The following OVCH1 variants were observed in gnomAD, a reference collection of about 807,000 sequenced individuals.
OVCH1 encodes ovochymase-1.
A neutral mutation model predicts 138.4 loss-of-function variants in OVCH1; 139 were observed. The ratio of observed to expected loss-of-function variants is 1.00; its 90% CI spans 0.87 to 1.16. OVCH1 has a LOEUF of 1.16. Ranked by LOEUF, OVCH1 falls within the 50% of genes most tolerant of loss-of-function variation. The probability of loss-of-function intolerance (pLI) is 0.00; values close to 1 mark genes in which losing one functional copy is unlikely to be tolerated. For synonymous variants in OVCH1, 453 were observed against 467.8 expected, an observed-to-expected ratio of 0.97 and a Z score of 0.41; for missense variants, 1,367 against 1,357.9, an observed-to-expected ratio of 1.01 and a Z score of -0.11.
intron 8 of OVCH1, among the ~76,000 whole-genome samples, chr12:29,485,709 G>C (rs1262788673): frequency 4.0e-5 from 6 of 151,820 alleles, no homozygotes; most frequent in Non-Finnish European, 7.4e-5. Context: ...CCGGAAGGCG[G>C]AGGTTGCAGT....
the OVCH1 span, among the ~76,000 whole-genome samples, chr12:29,407,200 A>G: frequency 2.8e-5 from 4 of 144,248 alleles, no homozygotes; most frequent in Non-Finnish European, 6.2e-5. Flanking sequence ...TAGATTCTGG[A>G]TATTAGCCCT....
intron 16 of OVCH1, among the ~76,000 whole-genome samples, chr12:29,467,028 T>C (rs1592078157): frequency 6.6e-6 from 1 of 152,268 alleles, no homozygotes; most frequent in South Asian, 2.1e-4. Context: ...GGGTTTGACT[T>C]ACTCATGTGT....
chr12:29,476,753 GCGCACA>G (rs1434328254), intron 12 of OVCH1, among the ~76,000 whole-genome samples: 2 of 8,474 alleles, frequency 2.4e-4, no homozygotes, highest in African/African-American at 1.4e-4. Flanking sequence ...GTACACACGC[GCGCACA>G]CACACACACA....
intron 19 of OVCH1, 117 bp downstream of exon 19, chr12:29,461,735 GAT>G: frequency 8.1e-7 from 1 of 1,228,192 alleles, no homozygotes; most frequent in Non-Finnish European, 1.2e-6. Context: ...TTCATGCAGG[GAT>G]ATGATATTGA....
At chr12:29,433,892 CA>C in intron 26 of OVCH1, 1 of 1,221,814 alleles carries the variant, frequency 8.2e-7, no homozygotes, top group Admixed American at 4.0e-5. Context: ...AAAAAAGAAA[CA>C]AAAGGTAAAA....
At chr12:29,427,606 A>T in exon 28 of OVCH1, 1 of 1,551,390 alleles carries the variant, frequency 6.4e-7, no homozygotes, top group South Asian at 1.2e-5. Context: ...GCAGGCACCA[A>T]ATCTGCTGGC....
chr12:29,486,929 C>T (rs1306778777), intron 7 of OVCH1: 1 of 455,758 alleles, frequency 2.2e-6, no homozygotes, highest in Non-Finnish European at 4.4e-6. Flanking sequence ...AGAACTGCTC[C>T]CCTGCAGTGG....
intron 25 of OVCH1, among the ~76,000 whole-genome samples, chr12:29,441,509 T>C (rs1399749424): frequency 6.6e-6 from 1 of 151,986 alleles, no homozygotes; most frequent in Non-Finnish European, 1.5e-5. Context: ...CCTAAAACCA[T>C]AAAAAACCCT....
chr12:29,436,894 AG>A (rs1240456232), intron 26 of OVCH1, among the ~76,000 whole-genome samples: 3 of 152,192 alleles, frequency 2.0e-5, no homozygotes, highest in Non-Finnish European at 4.4e-5. Context: ...GAAAGAACAA[AG>A]CTTCCACAGC....
chr12:29,404,744 C>T, the OVCH1 span, among the ~76,000 whole-genome samples: 35,119 of 151,856 alleles, frequency 0.23, 4,684 homozygotes, highest in Admixed American at 0.4. Flanking sequence ...AATGATCAGC[C>T]GGGCGCGGTG....
Position 29,491,092 on chromosome 12 carries a change from C to G in OVCH1, c.550+5G>C. ...GAAGTATTAAGTCATTTTGGTGTCT[C>G]TTACTTTTGGAAATCTTGCCCCATC... is the stretch of plus-strand genomic sequence containing the variant. On this transcript the variant is annotated splice_donor_5th_base_variant and intron_variant, in intron 5 of 27. Coordinates refer to ENST00000318184, the Ensembl canonical transcript of OVCH1. 1 of 1,611,442 alleles carries G rather than the reference C, an allele frequency of 6.2e-7. No individual in the cohort carries two copies.
At chr12:29,434,203 A>G (rs902032986) in intron 26 of OVCH1, among the ~76,000 whole-genome samples, 1 of 152,248 alleles carries the variant, frequency 6.6e-6, no homozygotes, top group African/African-American at 2.4e-5. Context: ...TGATATTAGT[A>G]CATTCAGGAA....
chr12:29,493,078 A>C (rs1943315362), intron 4 of OVCH1, among the ~76,000 whole-genome samples: 1 of 152,182 alleles, frequency 6.6e-6, no homozygotes. Context: ...TGTGGAACAG[A>C]CATCTTAACC....
chr12:29,445,246 C>T, intron 23 of OVCH1, 32 bp downstream of exon 23: 1 of 1,568,704 alleles, frequency 6.4e-7, no homozygotes, highest in South Asian at 1.1e-5. Context: ...ATTTCTTTAG[C>T]CTTTACAAGT....
chr12:29,439,077 C>T (rs140761095), intron 26 of OVCH1, among the ~76,000 whole-genome samples: 111 of 152,274 alleles, frequency 7.3e-4, no homozygotes, highest in African/African-American at 2.6e-3. Context: ...AGACAAATCT[C>T]GACTCTTATC....
intron 8 of OVCH1, among the ~76,000 whole-genome samples, chr12:29,480,005 G>A (rs1942878301): frequency 6.6e-6 from 1 of 151,634 alleles, no homozygotes; most frequent in South Asian, 2.1e-4. Context: ...TGTATTTTTA[G>A]TAGAGACAGG....
At chr12:29,444,198 G>A (rs372456861) in exon 24 of OVCH1, 2 of 1,612,410 alleles carry the variant, frequency 1.2e-6, no homozygotes, top group Non-Finnish European at 1.7e-6. Flanking sequence ...CTTCTGGCTT[G>A]GTCAGAAGAA....
At chr12:29,474,060 A>AACACACACACAC (rs1329610894) in intron 14 of OVCH1, among the ~76,000 whole-genome samples, 9 of 115,298 alleles carry the variant, frequency 7.8e-5, no homozygotes, top group East Asian at 6.9e-4. Context: ...ATACTTAATA[A>AACACACACACAC]ACACACACAC....
At chr12:29,417,671 A>C in intron 3 of OVCH1, among the ~76,000 whole-genome samples, 1 of 152,018 alleles carries the variant, frequency 6.6e-6, no homozygotes. Context: ...CAAATGCATA[A>C]AGCAAGATAA....
Sources: gnomAD v4.1 joint callset for allele counts (sites outside exome capture counted in the v4.1 genomes callset) on GRCh38, gnomAD v4.1.1 for gene constraint, MANE v1.5 for transcripts, NCBI Gene and HGNC (gene_info 2026-07-23, HGNC 2026-07-21) for gene names.